Variants in TMEM126A observed in about 807,000 individuals in gnomAD.
TMEM126A encodes optic atrophy 7.
Under a neutral mutation model 18.3 loss-of-function variants are expected in TMEM126A, and 10 were observed. That is an observed-to-expected ratio of 0.55 (90% CI 0.34 to 0.93). TMEM126A has a LOEUF of 0.93. Ranked by LOEUF, TMEM126A falls within the 40% of genes least tolerant of loss-of-function variation. The pLI, the probability that TMEM126A is intolerant of heterozygous loss-of-function variation, is 0.02. For synonymous variants in TMEM126A, 68 were observed against 78.1 expected, an observed-to-expected ratio of 0.87 and a Z score of 0.68; for missense variants, 246 against 230.2, an observed-to-expected ratio of 1.07 and a Z score of -0.44.
chr11:85,649,385 C>T (rs2082483634), intron 1 of TMEM126A, among the ~76,000 whole-genome samples: 1 of 152,142 alleles, frequency 6.6e-6, no homozygotes, highest in Admixed American at 6.5e-5. Flanking sequence ...TACAGCCACC[C>T]AGCTAAGAAT....
chr11:85,651,063 C>G (rs1212676965), intron 2 of TMEM126A, among the ~76,000 whole-genome samples: 1 of 88,590 alleles, frequency 1.1e-5, no homozygotes, highest in Non-Finnish European at 2.1e-5. Context: ...GAGTGAGGAT[C>G]CGTCTCAAAA....
intron 2 of TMEM126A, 136 bp downstream of exon 2, chr11:85,650,477 G>A: frequency 1.4e-6 from 1 of 711,464 alleles, no homozygotes; most frequent in African/African-American, 1.8e-5. Context: ...TTGCCTGGAT[G>A]AGAGCGTTTA....
At chr11:85,652,529 G>C (rs1326105262) in intron 2 of TMEM126A, among the ~76,000 whole-genome samples, 1 of 152,064 alleles carries the variant, frequency 6.6e-6, no homozygotes, top group Non-Finnish European at 1.5e-5. Flanking sequence ...TGTTAAATTT[G>C]GGCTATTTCA....
chr11:85,655,732 A>G (rs1383307565), intron 4 of TMEM126A, 24 bp downstream of exon 4: 1 of 1,494,854 alleles, frequency 6.7e-7, no homozygotes, highest in Admixed American at 1.7e-5. Flanking sequence ...AACTTTTTAT[A>G]ATATGTGATT....
chr11:85,648,211 G>A (rs1488071008), intron 1 of TMEM126A, 122 bp downstream of exon 1: 1 of 152,252 alleles, frequency 6.6e-6, no homozygotes, highest in African/African-American at 2.4e-5. Flanking sequence ...AGTGTAGTTA[G>A]CTCTTCCTGC....
At chr11:85,650,378 A>T in intron 2 of TMEM126A, 37 bp downstream of exon 2, 2 of 1,410,046 alleles carry the variant, frequency 1.4e-6, no homozygotes, top group South Asian at 1.2e-5. Flanking sequence ...ACCTTTTATC[A>T]GGTGGATTTT....
intron 2 of TMEM126A, 104 bp from the exon 3 acceptor site, chr11:85,653,959 T>C: frequency 7.5e-7 from 1 of 1,331,380 alleles, no homozygotes; most frequent in Non-Finnish European, 1.1e-6. Context: ...ATAGATGTCG[T>C]ATCCAGTTAG....
At chr11:85,654,879 T>A (rs1332790961) in intron 3 of TMEM126A, among the ~76,000 whole-genome samples, 1 of 150,540 alleles carries the variant, frequency 6.6e-6, no homozygotes, top group Admixed American at 6.6e-5. Context: ...CAAATGTATA[T>A]AAATAATATG....
At chr11:85,653,237 T>G (rs1289770836) in intron 2 of TMEM126A, among the ~76,000 whole-genome samples, 1 of 152,282 alleles carries the variant, frequency 6.6e-6, no homozygotes, top group African/African-American at 2.4e-5. Flanking sequence ...GATTGCAAAG[T>G]GTCAGATAAG....
intron 3 of TMEM126A, among the ~76,000 whole-genome samples, chr11:85,655,200 ATTTTG>A (rs1299061889): frequency 1.3e-5 from 2 of 152,294 alleles, no homozygotes; most frequent in South Asian, 2.1e-4. Flanking sequence ...TTTGACGAGT[ATTTTG>A]TTTTAATTCC....
chr11:85,651,229 C>T (rs575670378), intron 2 of TMEM126A, among the ~76,000 whole-genome samples: 7 of 152,110 alleles, frequency 4.6e-5, no homozygotes, highest in Non-Finnish European at 1.0e-4. Context: ...AAGCAGCCAC[C>T]TGGGAAGGAG....
At chr11:85,654,331 A>C in intron 3 of TMEM126A, 75 bp downstream of exon 3, 1 of 1,386,574 alleles carries the variant, frequency 7.2e-7, no homozygotes, top group Non-Finnish European at 1.0e-6. Context: ...ATACTTATTA[A>C]TATCAAGTAG....
intron 3 of TMEM126A, among the ~76,000 whole-genome samples, chr11:85,654,839 AATTATATATATGGAAAT>A (rs1218515380): frequency 1.3e-5 from 2 of 150,524 alleles, no homozygotes; most frequent in African/African-American, 4.9e-5. Flanking sequence ...TATATATGAA[AATTATATATATGGAAAT>A]ATTATATATA....
chr11:85,650,433 C>T (rs1053323734), intron 2 of TMEM126A, 92 bp downstream of exon 2: 3 of 985,354 alleles, frequency 3.0e-6, no homozygotes, highest in African/African-American at 3.2e-5. Context: ...TGAGTATAAA[C>T]AACATGGAAT....
At chr11:85,649,957 A>G (rs1004872707) in intron 1 of TMEM126A, among the ~76,000 whole-genome samples, 4 of 152,132 alleles carry the variant, frequency 2.6e-5, no homozygotes, top group African/African-American at 9.7e-5. Context: ...TATGTTGATA[A>G]CCATAGGTTC....
intron 1 of TMEM126A, among the ~76,000 whole-genome samples, chr11:85,648,800 TCAA>T (rs2082479694): frequency 1.3e-5 from 2 of 152,134 alleles, no homozygotes; most frequent in African/African-American, 4.8e-5. Context: ...GTCAAGGTAA[TCAA>T]CATTTCCAAA....
rs3068382 is a variant in TMEM126A, at chr11:85,651,069, C to CAAAA, written c.86+747_86+750dup. Reference sequence around the variant, plus strand: ...GGGCGACAAGAGTGAGGATCCGTCTCAAAAAAAAAAAAAAAAAAAAAAGAT... The same window carrying CAAAA: ...GGGCGACAAGAGTGAGGATCCGTCTCAAAAAAAAAAAAAAAAAAAAAAAAAAGAT... On this transcript the variant is annotated intron_variant, in intron 2 of 4. Coordinates refer to ENST00000304511, the MANE Select transcript of TMEM126A (RefSeq NM_032273.4). Among the ~76,000 whole-genome samples the CAAAA allele has an allele frequency of 8.1e-3, 642 of 79,728 alleles. 35 individuals are homozygous for CAAAA. The highest frequency in any genetic ancestry group is 0.038 in the East Asian group (98 of 2,550). 52.3% of individuals were successfully genotyped at this position (79,728 alleles called of 152,430 possible). A position where few individuals can be genotyped will look rare whatever the true frequency, so the allele number is the denominator to read the frequency against.
At position 85,650,354 on chromosome 11, in the gene TMEM126A, C is replaced by A. The variant is rs768471322; in HGVS notation, c.86+13C>A. The A allele has an allele frequency of 6.4e-7, 1 of 1,574,246 alleles. No homozygotes were observed. The highest frequency in any genetic ancestry group is 1.1e-5 in the South Asian group (1 of 89,898). On this transcript the variant is annotated intron_variant, in intron 2 of 4. Transcript: ENST00000304511. ...CAGAAGCAGAAAGGTAAGATCCCTT[C>A]TTAATTTAAAAACACCTTTTATCAG...
chr11:85,655,657 G>T lies in TMEM126A; in HGVS notation c.344G>T (p.Gly115Val), dbSNP rs1209832964. The T allele has an allele frequency of 1.2e-6, 2 of 1,613,680 alleles. No homozygotes were observed. Among genetic ancestry groups the T allele is most frequent in the Admixed American group, 1.7e-5 (1 of 60,010 alleles). ...RSGLTGLVIG[G>V]LYPVFLAIPV... is the part of the protein sequence containing the mutation. ...GGACTGACTGGTCTTGTTATTGGTGGTCTATACCCTGTTTTCTTGGCTATA... is the reference window on the plus strand; with the variant it reads ...GGACTGACTGGTCTTGTTATTGGTGTTCTATACCCTGTTTTCTTGGCTATA... Residue 115 changes from glycine (G) to valine (V), a missense_variant, in exon 4 of 5, where the codon GGT becomes GTT. Transcript: ENST00000304511.
Sources: gnomAD v4.1 joint callset for allele counts (sites outside exome capture counted in the v4.1 genomes callset) on GRCh38, gnomAD v4.1.1 for gene constraint, MANE v1.5 for transcripts, NCBI Gene and HGNC (gene_info 2026-07-23, HGNC 2026-07-21) for gene names.